Variants in LAMA2 observed in about 807,000 individuals in gnomAD.
The protein encoded by LAMA2 is laminin subunit alpha-2.
Under a neutral mutation model 364.8 loss-of-function variants are expected in LAMA2, and 269 were observed. The observed-to-expected ratio is 0.74, with a 90% CI of 0.67 to 0.82. The LOEUF (loss-of-function observed/expected upper bound fraction) is 0.82. Ranked by LOEUF, LAMA2 falls within the 40% of genes least tolerant of loss-of-function variation. The probability of loss-of-function intolerance (pLI) is 0.00; values close to 1 mark genes in which losing one functional copy is unlikely to be tolerated. For synonymous variants in LAMA2, 1,379 were observed against 1,370.6 expected, an observed-to-expected ratio of 1.01 and a Z score of -0.14; for missense variants, 3,807 against 3,873.2, an observed-to-expected ratio of 0.98 and a Z score of 0.45.
In LAMA2 at chr6:129,492,479, C is replaced by T. The variant is rs1784923539; in HGVS notation, c.8240C>T (p.Thr2747Ile). 1 of 1,612,918 alleles carries T rather than the reference C, an allele frequency of 6.2e-7. No individual in the cohort carries two copies. Among genetic ancestry groups the T allele is most frequent in the Non-Finnish European group, 8.5e-7 (1 of 1,179,072 alleles). ...PAFPTPTPVLTHGPCAAESEP... is the reference protein window; with the variant it reads ...PAFPTPTPVLIHGPCAAESEP... ...TTTCCTACGCCCACCCCAGTTCTGA[C>T]ACATGTAAGTGTTTATATTATCCCC... Residue 2747 changes from threonine (T) to isoleucine (I), a missense_variant, in exon 58 of 65, where the codon ACA becomes ATA. Coordinates refer to ENST00000421865, the MANE Select transcript of LAMA2 (RefSeq NM_000426.4).
chr6:129,365,060 C>T (rs1777683575), intron 32 of LAMA2, among the ~76,000 whole-genome samples: 1 of 152,208 alleles, frequency 6.6e-6, no homozygotes, highest in Admixed American at 6.5e-5. Context: ...CACGAGGCCC[C>T]ATATCCAGTA....
intron 1 of LAMA2, among the ~76,000 whole-genome samples, chr6:129,044,558 T>C (rs1046542680): frequency 2.7e-5 from 4 of 149,630 alleles, no homozygotes; most frequent in Non-Finnish European, 5.9e-5. Flanking sequence ...CCTATTACCA[T>C]ATATATATAT....
At chr6:129,380,626 C>A (rs1423191851) in intron 34 of LAMA2, among the ~76,000 whole-genome samples, 1 of 152,100 alleles carries the variant, frequency 6.6e-6, no homozygotes, top group Non-Finnish European at 1.5e-5. Flanking sequence ...TGATGGGTAA[C>A]AAGGACCCAG....
At chr6:129,342,043 C>T (rs1177803798) in intron 29 of LAMA2, among the ~76,000 whole-genome samples, 3 of 152,158 alleles carry the variant, frequency 2.0e-5, no homozygotes, top group Non-Finnish European at 2.9e-5. Context: ...GTCTATTCCC[C>T]AATTTAGAGT....
chr6:129,103,715 A>G (rs1269567330), intron 4 of LAMA2, among the ~76,000 whole-genome samples: 2 of 152,144 alleles, frequency 1.3e-5, no homozygotes, highest in Non-Finnish European at 2.9e-5. Context: ...CATTGCATCA[A>G]TCATTTTTTA....
chr6:128,888,764 T>A (rs1776286695), intron 1 of LAMA2, among the ~76,000 whole-genome samples: 1 of 152,172 alleles, frequency 6.6e-6, no homozygotes, highest in Non-Finnish European at 1.5e-5. Flanking sequence ...TTTTAAAGAT[T>A]TTGCCTTTTT....
At chr6:129,326,943 C>A (rs930193081) in intron 28 of LAMA2, among the ~76,000 whole-genome samples, 3 of 151,086 alleles carry the variant, frequency 2.0e-5, no homozygotes, top group African/African-American at 7.3e-5. Context: ...TAAACTAATT[C>A]TTCAACCATC....
intron 29 of LAMA2, 102 bp downstream of exon 29, chr6:129,328,514 A>C (rs1775439067): frequency 3.8e-6 from 6 of 1,559,680 alleles, no homozygotes; most frequent in Non-Finnish European, 5.3e-6. Context: ...AAGGGAATGC[A>C]ACTGTGTGTG....
chr6:129,515,859 G>C (rs2114945782), intron 64 of LAMA2, among the ~76,000 whole-genome samples: 1 of 152,220 alleles, frequency 6.6e-6, no homozygotes, highest in East Asian at 1.9e-4. Context: ...GGGCATAGAT[G>C]GGGAGATCTC....
At chr6:129,174,637 C>T (rs1583190191) in intron 9 of LAMA2, among the ~76,000 whole-genome samples, 1 of 152,072 alleles carries the variant, frequency 6.6e-6, no homozygotes, top group African/African-American at 2.4e-5. Context: ...TGTTGTTCTT[C>T]TGTAAAACCA....
Position 129,130,763 on chromosome 6 carries a change from A to G in LAMA2, c.640-13138A>G, listed in dbSNP as rs566182163. Among the ~76,000 whole-genome samples the G allele has an allele frequency of 7.9e-5, 12 of 152,304 alleles. No individual in the cohort carries two copies. The South Asian group carries it at 2.1e-3, about 26-fold the overall frequency. On this transcript the variant is annotated intron_variant, in intron 4 of 64. Transcript: ENST00000421865. ...TACATAATCATGACATCAAATAAGC[A>G]TAAAAATAATGCTTATTTTTAATTT... is the stretch of plus-strand genomic sequence containing the variant.
chr6:129,288,180 C>A, intron 19 of LAMA2, 122 bp downstream of exon 19: 1 of 808,124 alleles, frequency 1.2e-6, no homozygotes, highest in South Asian at 1.4e-5. Context: ...TTGATAGATG[C>A]ATAGAATATA....
intron 43 of LAMA2, among the ~76,000 whole-genome samples, chr6:129,442,545 C>G (rs978476555): frequency 3.3e-5 from 5 of 152,044 alleles, no homozygotes; most frequent in Non-Finnish European, 5.9e-5. Flanking sequence ...ATTTTAAGTT[C>G]AGGCGTATAA....
chr6:129,259,408 G>A (rs535331537), intron 14 of LAMA2, among the ~76,000 whole-genome samples: 2 of 152,128 alleles, frequency 1.3e-5, no homozygotes, highest in Non-Finnish European at 2.9e-5. Context: ...GCGAGAATCA[G>A]TTGCTTCTTT....
In LAMA2 at chr6:129,468,374, A is replaced by G. The variant is rs182386509; in HGVS notation, c.7300+3085A>G. On this transcript the variant is annotated intron_variant, in intron 51 of 64. Transcript: ENST00000421865. ...AGTTAAACAGGTGAAATTTTTTATTATAATAAAACTATAGCTGTTCTGTTT... is the reference window on the plus strand; with the variant it reads ...AGTTAAACAGGTGAAATTTTTTATTGTAATAAAACTATAGCTGTTCTGTTT... Among the ~76,000 whole-genome samples, 15 of 151,984 alleles carry G rather than the reference A, an allele frequency of 9.9e-5. No individual in the cohort carries two copies. The East Asian group carries it at 2.9e-3, about 29-fold the overall frequency.
At chr6:129,312,597 CAGAA>C (rs1309419817) in intron 22 of LAMA2, among the ~76,000 whole-genome samples, 1 of 152,174 alleles carries the variant, frequency 6.6e-6, no homozygotes, top group Non-Finnish European at 1.5e-5. Flanking sequence ...CTCTCTACCT[CAGAA>C]AGAGAGAAGA....
At chr6:129,057,166 T>C (rs571206341) in intron 2 of LAMA2, among the ~76,000 whole-genome samples, 2 of 152,328 alleles carry the variant, frequency 1.3e-5, no homozygotes, top group African/African-American at 4.8e-5. Context: ...AACTTGTCTC[T>C]AAGATTCAAA....
intron 29 of LAMA2, among the ~76,000 whole-genome samples, chr6:129,331,604 C>T (rs1583512563): frequency 2.0e-5 from 3 of 152,104 alleles, no homozygotes; most frequent in Admixed American, 2.0e-4. Context: ...TACCCCTCTC[C>T]CGCTTGATGA....
chr6:129,366,387 G>A, intron 33 of LAMA2, 26 bp downstream of exon 33: 9 of 1,612,266 alleles, frequency 5.6e-6, no homozygotes, highest in South Asian at 1.1e-5. Context: ...CACAAGCAAG[G>A]GCCAGGGACA....
Sources: gnomAD v4.1 joint callset for allele counts (sites outside exome capture counted in the v4.1 genomes callset) on GRCh38, gnomAD v4.1.1 for gene constraint, MANE v1.5 for transcripts, NCBI Gene and HGNC (gene_info 2026-07-23, HGNC 2026-07-21) for gene names.